Variants in SQOR observed in about 807,000 individuals in gnomAD.
SQOR encodes sulfide quinone oxidoreductase.
A neutral mutation model predicts 48.6 loss-of-function variants in SQOR; 39 were observed. The ratio of observed to expected loss-of-function variants is 0.80; its 90% confidence interval spans 0.62 to 1.05. The LOEUF is 1.05. Among genes scored for constraint, SQOR ranks in the 50% least tolerant of loss-of-function variants. SQOR has a pLI of 0.00. For missense variants in SQOR, 561 were observed against 559.9 expected (o/e 1.00, Z -0.02); for synonymous variants, 220 against 206.2 (o/e 1.07, Z -0.57).
intron 1 of SQOR, among the ~76,000 whole-genome samples, chr15:45,647,236 G>A (rs1365984256): frequency 1.3e-5 from 2 of 151,630 alleles, no homozygotes; most frequent in Non-Finnish European, 2.9e-5. Flanking sequence ...GCAACAGAGT[G>A]AAACTCTGTT....
At chr15:45,682,407 G>T in intron 6 of SQOR, 71 bp from the exon 7 acceptor site, 1 of 1,533,146 alleles carries the variant, frequency 6.5e-7, no homozygotes, top group Non-Finnish European at 8.9e-7. Context: ...AGTAAGGAAG[G>T]TAGGGGGAGA....
chr15:45,642,343 A>G (rs987008887), intron 1 of SQOR, among the ~76,000 whole-genome samples: 2 of 152,200 alleles, frequency 1.3e-5, no homozygotes, highest in African/African-American at 4.8e-5. Context: ...TCCAGCCAAG[A>G]GTTTCCATGT....
chr15:45,686,750 C>A (rs1056550049), intron 7 of SQOR, among the ~76,000 whole-genome samples: 6 of 152,206 alleles, frequency 3.9e-5, no homozygotes, highest in South Asian at 2.1e-4. Context: ...ACAAAGGTAA[C>A]CCATCTTTCC....
chr15:45,684,547 T>A (rs2140962510), intron 7 of SQOR, among the ~76,000 whole-genome samples: 1 of 152,294 alleles, frequency 6.6e-6, no homozygotes, highest in South Asian at 2.1e-4. Context: ...TGTTAGTTTG[T>A]CTTGTCTTTA....
At chr15:45,685,820 C>G (rs1257126918) in intron 7 of SQOR, among the ~76,000 whole-genome samples, 1 of 152,178 alleles carries the variant, frequency 6.6e-6, no homozygotes, top group East Asian at 1.9e-4. Flanking sequence ...GCTTTGCCCA[C>G]AGTGAATATA....
chr15:45,633,515 G>A (rs1300694230), upstream of SQOR, among the ~76,000 whole-genome samples: 4 of 151,866 alleles, frequency 2.6e-5, no homozygotes, highest in African/African-American at 9.7e-5. Flanking sequence ...CCAACATGGT[G>A]AAACCCTGTC....
chr15:45,636,078 T>G (rs945869760), intron 1 of SQOR, among the ~76,000 whole-genome samples: 3 of 152,052 alleles, frequency 2.0e-5, no homozygotes, highest in Admixed American at 2.0e-4. Flanking sequence ...ATCCGCACAC[T>G]TCGGCCTTCC....
chr15:45,668,279 G>A (rs569337092), intron 3 of SQOR, among the ~76,000 whole-genome samples: 1 of 152,282 alleles, frequency 6.6e-6, no homozygotes, highest in East Asian at 1.9e-4. Context: ...AAAACATACA[G>A]ATGAAAATGC....
At chr15:45,657,630 C>T (rs144755182) in intron 1 of SQOR, among the ~76,000 whole-genome samples, 3 of 152,282 alleles carry the variant, frequency 2.0e-5, no homozygotes, top group Admixed American at 2.0e-4. Flanking sequence ...CCCTCAGCTC[C>T]TCTTTCCCAT....
rs1595512370 is a variant in SQOR, at chr15:45,688,335, A to G, written c.1049-2A>G. 8 of 1,593,642 alleles carry G rather than the reference A, an allele frequency of 5.0e-6. No individual in the cohort carries two copies. Among genetic ancestry groups the G allele is most frequent in the Non-Finnish European group, 6.8e-6 (8 of 1,173,532 alleles). On this transcript the variant is annotated splice_acceptor_variant, in intron 7 of 9. Transcript: ENST00000260324. LOFTEE classifies it high-confidence loss of function. The stretch of plus-strand genomic sequence containing the variant: ...TTTCTGACTTTCCCATTTCTCTTAT[A>G]GCTGCCCAGTCAGGAATACTTGATA...
chr15:45,659,170 T>G lies in SQOR; in HGVS notation c.234+13T>G. On this transcript the variant is annotated intron_variant, in intron 2 of 9. Coordinates refer to ENST00000260324, the MANE Select transcript of SQOR (RefSeq NM_021199.4). ...TGAGCCCAGTGAGGTAAGCCTCCCC[T>G]TTTGAGGGCCTGGGTGTGTGTGTAC... 1 of 1,500,500 alleles carries G rather than the reference T, an allele frequency of 6.7e-7. No individual in the cohort carries two copies. Among genetic ancestry groups the G allele is most frequent in the South Asian group, 1.3e-5 (1 of 75,926 alleles). 92.9% of individuals were successfully genotyped at this position (1,500,500 alleles called of 1,614,324 possible).
chr15:45,685,691 G>A (rs1053493599), intron 7 of SQOR, among the ~76,000 whole-genome samples: 3 of 152,078 alleles, frequency 2.0e-5, no homozygotes, highest in African/African-American at 7.2e-5. Flanking sequence ...TTTTCCATTG[G>A]CCTTGATGTC....
At chr15:45,639,080 A>G (rs1895062235) in intron 1 of SQOR, among the ~76,000 whole-genome samples, 1 of 152,314 alleles carries the variant, frequency 6.6e-6, no homozygotes, top group South Asian at 2.1e-4. Flanking sequence ...TTTAAAAAAA[A>G]TGGCTACAAC....
chr15:45,660,897 T>C (rs1889705413), intron 2 of SQOR, among the ~76,000 whole-genome samples: 3 of 152,132 alleles, frequency 2.0e-5, no homozygotes, highest in African/African-American at 7.2e-5. Flanking sequence ...TGGTCCCCAG[T>C]CTACTCTAAG....
At chr15:45,661,865 T>G in intron 2 of SQOR, 90 bp from the exon 3 acceptor site, 2 of 1,335,070 alleles carry the variant, frequency 1.5e-6, no homozygotes, top group Non-Finnish European at 2.0e-6. Flanking sequence ...CAGGAGGGAG[T>G]GATTGAAAGA....
chr15:45,688,388 A>C lies in SQOR; in HGVS notation c.1100A>C (p.Gln367Pro). Residue 367 changes from glutamine (Q) to proline (P), a missense_variant, in exon 8 of 10, where the codon CAA becomes CCA. Physicochemically the swap from Gln to Pro is moderately conservative, Grantham distance 76. Transcript: ENST00000260324. ...ACAATTTCTGTAATTATGAAGAATC[A>C]AACACCAACAAAGAAGGTTTGTATG... ...DRTISVIMKN[Q>P]TPTKKYDGYT... The C allele has an allele frequency of 6.2e-7, 1 of 1,606,956 alleles. No individual in the cohort carries two copies. The highest frequency in any genetic ancestry group is 8.5e-7 in the Non-Finnish European group (1 of 1,176,516).
chr15:45,631,504 G>T (rs957984218), upstream of SQOR: 7 of 152,220 alleles, frequency 4.6e-5, no homozygotes, highest in African/African-American at 1.2e-4. Flanking sequence ...GGTATGAGTT[G>T]TTTCTCTAGC....
At chr15:45,670,026 C>T in intron 4 of SQOR, 45 bp downstream of exon 4, 1 of 1,564,192 alleles carries the variant, frequency 6.4e-7, no homozygotes, top group Non-Finnish European at 8.8e-7. Flanking sequence ...TTATCTATGC[C>T]AAGAGCAAAT....
At chr15:45,639,151 T>C (rs945198697) in intron 1 of SQOR, among the ~76,000 whole-genome samples, 1 of 152,230 alleles carries the variant, frequency 6.6e-6, no homozygotes, top group African/African-American at 2.4e-5. Context: ...TTAGGATCTC[T>C]TACCCAACCT....
Sources: allele counts gnomAD v4.1 joint callset (sites outside exome capture counted in the v4.1 genomes callset), GRCh38; gene constraint gnomAD v4.1.1; transcripts MANE v1.5; gene names NCBI Gene and HGNC (gene_info 2026-07-23, HGNC 2026-07-21).